Variants in OSBP2 observed in about 807,000 individuals in gnomAD.
OSBP2 encodes oxysterol-binding protein 2.
OSBP2 carries 66 observed loss-of-function variants against 96.0 expected under a neutral mutation model. The observed-to-expected ratio is 0.69, with a 90% confidence interval of 0.56 to 0.84. The LOEUF (loss-of-function observed/expected upper bound fraction) is 0.84. Ranked by LOEUF, OSBP2 falls within the 40% of genes least tolerant of loss-of-function variation. OSBP2 has a pLI of 0.00. For missense variants in OSBP2, 1,038 were observed against 1,222.7 expected (o/e 0.85, Z 2.25); for synonymous variants, 525 against 520.9 (o/e 1.01, Z -0.11).
intron 2 of OSBP2, among the ~76,000 whole-genome samples, chr22:30,799,996 A>G (rs1207515102): frequency 6.6e-6 from 1 of 152,216 alleles, no homozygotes; most frequent in Non-Finnish European, 1.5e-5. Context: ...GCCTACCAGT[A>G]AGACAGACCT....
At chr22:30,824,057 T>C (rs1462134863) in intron 2 of OSBP2, among the ~76,000 whole-genome samples, 2 of 152,230 alleles carry the variant, frequency 1.3e-5, no homozygotes, top group African/African-American at 2.4e-5. Context: ...CAAGGAGCAT[T>C]GGACCCGATG....
intron 3 of OSBP2, among the ~76,000 whole-genome samples, chr22:30,872,688 T>C (rs2039483357): frequency 6.6e-6 from 1 of 152,160 alleles, no homozygotes; most frequent in South Asian, 2.1e-4. Context: ...GCTCCTGCTG[T>C]TGAATCAGGG....
At chr22:30,741,106 T>A (rs765857741) in intron 1 of OSBP2, 55 bp from the exon 2 acceptor site, 2 of 1,380,502 alleles carry the variant, frequency 1.4e-6, no homozygotes, top group East Asian at 4.6e-5. Context: ...GTTTCTTTAG[T>A]CTGGAGCCAT....
chr22:30,748,823 T>C (rs1459755508), intron 2 of OSBP2, among the ~76,000 whole-genome samples: 3 of 152,110 alleles, frequency 2.0e-5, no homozygotes, highest in African/African-American at 7.2e-5. Flanking sequence ...TTGTTAAGAA[T>C]TGTGTATTTA....
At chr22:30,831,382 T>C (rs1178225634) in intron 2 of OSBP2, among the ~76,000 whole-genome samples, 1 of 152,216 alleles carries the variant, frequency 6.6e-6, no homozygotes, top group Non-Finnish European at 1.5e-5. Flanking sequence ...CACTGTCTCC[T>C]GCCATTGTGT....
intron 2 of OSBP2, among the ~76,000 whole-genome samples, chr22:30,760,700 C>G (rs1286093623): frequency 1.3e-5 from 2 of 152,120 alleles, no homozygotes; most frequent in African/African-American, 4.8e-5. Context: ...CCTGTAGTCT[C>G]AGCTACTTAG....
chr22:30,700,951 T>G (rs1182204552), intron 1 of OSBP2, among the ~76,000 whole-genome samples: 1 of 151,810 alleles, frequency 6.6e-6, no homozygotes, highest in Non-Finnish European at 1.5e-5. Flanking sequence ...AAAAATTAGC[T>G]AGGCGTGGTG....
chr22:30,824,150 A>T (rs2038344496), intron 2 of OSBP2, among the ~76,000 whole-genome samples: 2 of 152,094 alleles, frequency 1.3e-5, no homozygotes, highest in Admixed American at 1.3e-4. Flanking sequence ...GTATCTTGAG[A>T]GCAGTGACGG....
chr22:30,850,006 A>G (rs1199389108), intron 2 of OSBP2, among the ~76,000 whole-genome samples: 1 of 152,020 alleles, frequency 6.6e-6, no homozygotes, highest in Admixed American at 6.6e-5. Context: ...AGCTTTATTG[A>G]AATTCAGTTG....
chr22:30,704,536 A>G (rs2089217715), intron 1 of OSBP2, among the ~76,000 whole-genome samples: 1 of 139,802 alleles, frequency 7.2e-6, no homozygotes, highest in Non-Finnish European at 1.5e-5. Context: ...TTTTTTTTTG[A>G]GACAGAGTCT....
chr22:30,845,785 G>A (rs139871204), intron 2 of OSBP2, among the ~76,000 whole-genome samples: 12 of 151,328 alleles, frequency 7.9e-5, no homozygotes, highest in African/African-American at 2.9e-4. Flanking sequence ...GGGAGGCTGA[G>A]GCAGAAGAAT....
In OSBP2 at chr22:30,695,780, GT is replaced by G. The variant is rs549380194; in HGVS notation, c.644+232del. On this transcript the variant is annotated intron_variant, in intron 1 of 13. Transcript: ENST00000332585. ...CGGACATGACCTCTGGCAAGCTTGG[GT>G]TTTTGGGCAAGTGGGGAGGTGGAGT... 3.0e-4 allele frequency among the ~76,000 whole-genome samples: 45 copies of G among 152,366 alleles called. No individual in the cohort carries two copies. In the South Asian group the frequency reaches 9.1e-3, roughly 31 times the overall value.
intron 2 of OSBP2, chr22:30,803,072 CGCGGCGGCGGGAAGGCGGCG>C (rs2090876607): frequency 4.9e-6 from 1 of 204,714 alleles, no homozygotes; most frequent in Non-Finnish European, 9.6e-6. Flanking sequence ...GGACTGAGAG[CGCGGCGGCGGGAAGGCGGCG>C]GCGGCGGCGG....
At chr22:30,885,162 CCTTTGGGGTGG>C (rs1452737309) in intron 3 of OSBP2, among the ~76,000 whole-genome samples, 4 of 152,186 alleles carry the variant, frequency 2.6e-5, no homozygotes, top group Non-Finnish European at 5.9e-5. Flanking sequence ...CCATCTTCCT[CCTTTGGGGTGG>C]GACAGCCTGT....
At position 30,870,138 on chromosome 22, in the gene OSBP2, C is replaced by T. The variant is rs2039427764; in HGVS notation, c.854-291C>T. Among the ~76,000 whole-genome samples the T allele has an allele frequency of 6.6e-6, 1 of 152,190 alleles. No individual in the cohort carries two copies. The highest frequency in any genetic ancestry group is 1.5e-5 in the Non-Finnish European group (1 of 68,018). On this transcript the variant is annotated intron_variant, in intron 2 of 13. Transcript: ENST00000332585. The surrounding 1 kb of genome is among the most constrained non-coding windows in gnomAD (Gnocchi z 4.1). ...CTGGCGCCCTGCATGCAGGTGGGTG[C>T]CTGTAGGCCTGCCGCCTCCAAAGCC...
At chr22:30,731,129 G>A (rs545929255) in intron 1 of OSBP2, among the ~76,000 whole-genome samples, 12 of 151,882 alleles carry the variant, frequency 7.9e-5, no homozygotes, top group Admixed American at 4.6e-4. Flanking sequence ...AGCCGAGATC[G>A]CGCCACTGCA....
chr22:30,751,064 A>G (rs1351054968), intron 2 of OSBP2, among the ~76,000 whole-genome samples: 1 of 152,060 alleles, frequency 6.6e-6, no homozygotes, highest in Non-Finnish European at 1.5e-5. Flanking sequence ...CTTAAAATCA[A>G]TTGCCAATTA....
intron 2 of OSBP2, among the ~76,000 whole-genome samples, chr22:30,784,548 C>T (rs185854503): frequency 6.1e-4 from 92 of 151,954 alleles, no homozygotes; most frequent in Admixed American, 1.8e-3. Flanking sequence ...GATGAGTCAC[C>T]GTGCCCAGTT....
intron 3 of OSBP2, among the ~76,000 whole-genome samples, chr22:30,874,490 A>C (rs1189121679): frequency 6.6e-6 from 1 of 152,212 alleles, no homozygotes; most frequent in Non-Finnish European, 1.5e-5. Flanking sequence ...CATTGATATC[A>C]TAAGCCTTTA....
Sources: gnomAD v4.1 joint callset for allele counts (sites outside exome capture counted in the v4.1 genomes callset) on GRCh38, gnomAD v4.1.1 for gene constraint, Gnocchi (gnomAD v3.1) non-coding constraint, MANE v1.5 for transcripts, NCBI Gene and HGNC (gene_info 2026-07-23, HGNC 2026-07-21) for gene names.